CDH23: variants seen among roughly 807,000 people sequenced by gnomAD.
The protein encoded by CDH23 is cadherin-23.
In CDH23, 189 loss-of-function variants were observed where a neutral mutation model predicts 317.1. The observed-to-expected ratio is 0.60, with a 90% confidence interval of 0.53 to 0.67. The LOEUF is 0.67. CDH23 is among the 30% of genes least tolerant of loss of function. The pLI is 0.00. For synonymous variants in CDH23, 1,839 were observed against 1,876.8 expected (o/e 0.98, Z 0.52); for missense variants, 4,401 against 4,592.4 (o/e 0.96, Z 1.20).
Position 71,811,758 on chromosome 10 carries a change from G to C in CDH23, c.9319+5G>C. On this transcript the variant is annotated splice_donor_5th_base_variant and intron_variant, in intron 65 of 69. Coordinates refer to ENST00000224721, the MANE Select transcript of CDH23 (RefSeq NM_022124.6). ...CCATTGTGGCTGGCTCAGCTGGTAA[G>C]TGAGGGCCATAGTGGGGACACAGGT... 6.4e-7 allele frequency: 1 copy of C among 1,571,044 alleles called. No individual in the cohort carries two copies. The highest frequency in any genetic ancestry group is 8.6e-7 in the Non-Finnish European group (1 of 1,158,564).
chr10:71,545,507 C>T (rs527925475), intron 6 of CDH23, among the ~76,000 whole-genome samples: 24 of 152,340 alleles, frequency 1.6e-4, no homozygotes, highest in African/African-American at 5.8e-4. Context: ...TTTGCACTTT[C>T]AGTTAGTCTG....
At chr10:71,599,881 A>G (rs1406911433) in intron 9 of CDH23, among the ~76,000 whole-genome samples, 1 of 151,812 alleles carries the variant, frequency 6.6e-6, no homozygotes, top group Non-Finnish European at 1.5e-5. Context: ...GGCTTTAAGC[A>G]TCTTTCCATT....
At position 71,677,457 on chromosome 10, in the gene CDH23, T is replaced by C. The variant is rs1864419966; in HGVS notation, c.1516T>C (p.Phe506Leu). 6.2e-7 allele frequency: 1 copy of C among 1,603,038 alleles called. No individual in the cohort carries two copies. Among genetic ancestry groups the C allele is most frequent in the African/African-American group, 1.3e-5 (1 of 74,730 alleles). Reference protein sequence around the residue: ...SYFFSDDPDRFSLDKDTGLIM... With the variant: ...SYFFSDDPDRLSLDKDTGLIM... ...CTCCATCCTCTCGGCCTGGCACAGG[T>C]TCTCGCTGGACAAGGACACGGGACT... is the stretch of plus-strand genomic sequence containing the variant. The change falls in exon 16 of 70, where the codon TTC becomes CTC. Residue 506 changes from phenylalanine to leucine, a missense_variant and splice_region_variant. By Grantham distance (22) the Phe-to-Leu change is conservative. Coordinates refer to ENST00000224721, the MANE Select transcript of CDH23 (RefSeq NM_022124.6).
intron 14 of CDH23, among the ~76,000 whole-genome samples, chr10:71,650,336 TGGAAGGAG>T (rs1245772925): frequency 6.6e-6 from 1 of 152,192 alleles, no homozygotes; most frequent in Non-Finnish European, 1.5e-5. Flanking sequence ...AAAGGTCCCC[TGGAAGGAG>T]GGAGGGTTCA....
At chr10:71,728,948 C>T (rs929888739) in intron 30 of CDH23, among the ~76,000 whole-genome samples, 3 of 151,690 alleles carry the variant, frequency 2.0e-5, no homozygotes, top group Non-Finnish European at 4.4e-5. Flanking sequence ...CTCTTGCCTC[C>T]GCCTCCCTAG....
intron 3 of CDH23, 24 bp downstream of exon 3, chr10:71,446,419 G>C: frequency 6.2e-7 from 1 of 1,611,570 alleles, no homozygotes; most frequent in Middle Eastern, 1.7e-4. Flanking sequence ...TGGGCTGGTG[G>C]GCGTGCAGAT....
intron 38 of CDH23, among the ~76,000 whole-genome samples, chr10:71,775,391 G>A (rs934031716): frequency 2.1e-5 from 3 of 143,674 alleles, no homozygotes; most frequent in Non-Finnish European, 4.7e-5. Flanking sequence ...CAATTGCCCT[G>A]CCAACCCCTT....
chr10:71,474,632 CG>C (rs1851694335), intron 3 of CDH23, among the ~76,000 whole-genome samples: 1 of 152,210 alleles, frequency 6.6e-6, no homozygotes, highest in Non-Finnish European at 1.5e-5. Context: ...ATTAGGGGCA[CG>C]GGGTGGGTGA....
intron 1 of CDH23, among the ~76,000 whole-genome samples, chr10:71,408,704 A>C (rs747861570): frequency 9.2e-5 from 14 of 152,192 alleles, no homozygotes; most frequent in Non-Finnish European, 1.6e-4. Context: ...TGAATAATAC[A>C]GCGGGAGAGA....
At position 71,465,977 on chromosome 10, in the gene CDH23, G is replaced by A. The variant is rs187065082; in HGVS notation, c.145+19582G>A. ...GTTTGGAAGGTGATGTCTCAAAAGA[G>A]CCTGTGCGTCACCCCGGCCTGTGCT... is the stretch of plus-strand genomic sequence containing the variant. On this transcript the variant is annotated intron_variant, in intron 3 of 69. Coordinates refer to ENST00000224721, the MANE Select transcript of CDH23 (RefSeq NM_022124.6). Among the ~76,000 whole-genome samples, 15 of 152,312 alleles carry A rather than the reference G, an allele frequency of 9.8e-5. No individual in the cohort carries two copies. In the East Asian group the frequency reaches 2.7e-3, roughly 27 times the overall value.
At chr10:71,426,581 G>A (rs766383792) in intron 1 of CDH23, among the ~76,000 whole-genome samples, 3 of 152,176 alleles carry the variant, frequency 2.0e-5, no homozygotes, top group Non-Finnish European at 2.9e-5. Context: ...AGTGGGGGCT[G>A]CGAGGAAGTA....
chr10:71,507,139 C>T (rs1442510237), intron 3 of CDH23, among the ~76,000 whole-genome samples: 1 of 152,198 alleles, frequency 6.6e-6, no homozygotes, highest in African/African-American at 2.4e-5. Flanking sequence ...CCCTGAGGTA[C>T]AGCAGGTGAG....
intron 41 of CDH23, among the ~76,000 whole-genome samples, chr10:71,782,502 C>T (rs901216121): frequency 2.0e-5 from 3 of 152,232 alleles, no homozygotes; most frequent in African/African-American, 2.4e-5. Flanking sequence ...TATGATTGGA[C>T]GAAAGCCTAG....
At chr10:71,573,180 A>G (rs1203718723) in intron 8 of CDH23, among the ~76,000 whole-genome samples, 1 of 152,206 alleles carries the variant, frequency 6.6e-6, no homozygotes, top group African/African-American at 2.4e-5. Flanking sequence ...CTGGGCAGTG[A>G]CCTGGTCAGT....
At chr10:71,669,450 C>CTT (rs200193327) in intron 14 of CDH23, among the ~76,000 whole-genome samples, 2,239 of 143,376 alleles carry the variant, frequency 0.016, 61 homozygotes, top group African/African-American at 0.055. Flanking sequence ...CCCATTCTGA[C>CTT]TTTTTTTTTT....
chr10:71,540,803 G>A (rs551220339), intron 6 of CDH23, among the ~76,000 whole-genome samples: 31 of 152,072 alleles, frequency 2.0e-4, no homozygotes, highest in Non-Finnish European at 3.2e-4. Context: ...CCTGATGGGA[G>A]GGCTTATCCA....
chr10:71,643,735 C>A, intron 11 of CDH23, 126 bp from the exon 12 acceptor site: 1 of 690,442 alleles, frequency 1.4e-6, no homozygotes, highest in Non-Finnish European at 2.6e-6. Context: ...AGGGTGTGAT[C>A]CTGGGGTCCC....
chr10:71,408,221 T>G (rs1054261628), intron 1 of CDH23, among the ~76,000 whole-genome samples: 4 of 152,174 alleles, frequency 2.6e-5, no homozygotes, highest in African/African-American at 7.2e-5. Flanking sequence ...TTGATATTTA[T>G]TAAGCACCTA....
chr10:71,654,523 C>T (rs1478131230), intron 14 of CDH23, among the ~76,000 whole-genome samples: 1 of 152,192 alleles, frequency 6.6e-6, no homozygotes, highest in Non-Finnish European at 1.5e-5. Flanking sequence ...ACAAATGGCT[C>T]ATGGATTTGG....
Sources: gnomAD v4.1 joint callset for allele counts (sites outside exome capture counted in the v4.1 genomes callset) on GRCh38, gnomAD v4.1.1 for gene constraint, MANE v1.5 for transcripts, NCBI Gene and HGNC (gene_info 2026-07-23, HGNC 2026-07-21) for gene names.